Variants in SET observed in about 807,000 individuals in gnomAD.
The protein encoded by SET is SET nuclear proto-oncogene.
SET carries 4 observed loss-of-function variants against 39.0 expected under a neutral mutation model. The observed-to-expected ratio is 0.10, with a 90% CI of 0.05 to 0.23. SET has a LOEUF of 0.23. Among genes scored for constraint, SET ranks in the 10% least tolerant of loss-of-function variants. The pLI is 1.00. For missense variants in SET, 137 were observed against 329.7 expected (o/e 0.42, Z 4.53); for synonymous variants, 114 against 115.9 (o/e 0.98, Z 0.11).
chr9:128,689,959 G>A (rs1861458628), intron 1 of SET: 1 of 208,248 alleles, frequency 4.8e-6, no homozygotes, highest in Non-Finnish European at 6.6e-6. Context: ...CCTCCCTCCC[G>A]AGAAGCCTCT....
rs141752935 is a variant in SET, at chr9:128,692,703, T to C, written c.316T>C (p.Tyr106His). 1 of 1,612,622 alleles carries C rather than the reference T, an allele frequency of 6.2e-7. No homozygotes were observed. Among genetic ancestry groups the C allele is most frequent in the Non-Finnish European group, 8.5e-7 (1 of 1,179,514 alleles). Residue 106 changes from tyrosine (Y) to histidine (H), a missense_variant, in exon 4 of 8, where the codon TAT (tyrosine) becomes CAT (histidine). Tyr to His is a moderately conservative substitution (Grantham distance 83, BLOSUM62 2). Around this residue, in one of 3 missense-constraint regions of SET, gnomAD observed 59 missense variants for 237.2 expected, o/e 0.25. Transcript: ENST00000322030. Reference sequence around the variant, plus strand: ...GGAGGAAGATGAAGAGGCACTGCATTATTTGACCAGAGTTGAAGTGACAGA... The same window carrying C: ...GGAGGAAGATGAAGAGGCACTGCATCATTTGACCAGAGTTGAAGTGACAGA... The part of the protein sequence containing the change: ...LGEEDEEALH[Y>H]LTRVEVTEFE...
upstream of SET, among the ~76,000 whole-genome samples, chr9:128,686,713 T>C (rs1003138851): frequency 1.3e-5 from 2 of 152,124 alleles, no homozygotes; most frequent in African/African-American, 4.8e-5. Flanking sequence ...GGCTAACTCT[T>C]GTAATCCCAG....
At position 128,693,533 on chromosome 9, in the gene SET, A is replaced by G. The variant is rs10988091; in HGVS notation, c.493-105A>G. ...TAATGGTAGCGTAGATAGTATACTG[A>G]TATTTGTTTTGCTTAGCTTTTGGGG... On this transcript the variant is annotated intron_variant, in intron 5 of 7. Coordinates refer to ENST00000322030, the MANE Select transcript of SET (RefSeq NM_003011.4). 1.9e-3 allele frequency: 2,283 copies of G among 1,185,160 alleles called. 34 individuals are homozygous for G. The African/African-American group carries it at 0.03, about 16-fold the overall frequency. The allele number at this position is 1,185,160 out of a possible 1,614,324, so 73.4% of individuals were successfully genotyped here.
upstream of SET, among the ~76,000 whole-genome samples, chr9:128,684,815 G>A (rs1343824017): frequency 6.6e-6 from 1 of 152,174 alleles, no homozygotes; most frequent in African/African-American, 2.4e-5. Context: ...TGGGAGTTAG[G>A]AGTCCCAGAG....
chr9:128,685,345 T>C, upstream of SET: 2 of 734,970 alleles, frequency 2.7e-6, no homozygotes, highest in Non-Finnish European at 4.6e-6. Context: ...TCATCAGTGC[T>C]CTAGAGTGCA....
chr9:128,694,122 A>ATG lies in SET; in HGVS notation c.810+80_810+81insTG. The ATG allele has an allele frequency of 3.1e-6, 4 of 1,273,232 alleles. No homozygotes were observed. In the South Asian group the frequency reaches 6.7e-5, roughly 21 times the overall value. The allele number at this position is 1,273,232 out of a possible 1,614,324, so 78.9% of individuals were successfully genotyped here. A position where few individuals can be genotyped will look rare whatever the true frequency, so the allele number is the denominator to read the frequency against. On this transcript the variant is annotated intron_variant, in intron 7 of 7. Coordinates refer to ENST00000322030, the MANE Select transcript of SET (RefSeq NM_003011.4). ...TTTTGGGGTGTATATATATATATAT[A>ATG]GTGTGGTAGAACTGACCAGAACTGA... is the stretch of plus-strand genomic sequence containing the variant.
At position 128,695,065 on chromosome 9, in the gene SET, C is replaced by T; in HGVS notation, c.*401C>T. The T allele has an allele frequency of 4.3e-6, 1 of 231,906 alleles. No homozygotes were observed. Among genetic ancestry groups the T allele is most frequent in the Non-Finnish European group, 8.6e-6 (1 of 116,936 alleles). 14.4% of individuals were successfully genotyped at this position (231,906 alleles called of 1,614,324 possible). ...TCCTCCTTTCTCTGTATATTGGGCT[C>T]AGAGAGTACACTGTGTCTCTATGTG... On this transcript the variant is annotated 3_prime_UTR_variant, in exon 8 of 8. Transcript: ENST00000322030.
chr9:128,689,184 T>G, upstream of SET: 1 of 865,262 alleles, frequency 1.2e-6, no homozygotes, highest in African/African-American at 1.8e-5. Flanking sequence ...AGGCGGAGCA[T>G]CCGCGCGGGG....
upstream of SET, chr9:128,685,275 G>A: frequency 7.4e-7 from 1 of 1,342,912 alleles, no homozygotes; most frequent in Non-Finnish European, 1.0e-6. Context: ...CCACAGTACT[G>A]ATCTCCAGGC....
At chr9:128,687,147 C>T (rs1861309880), upstream of SET, among the ~76,000 whole-genome samples, 1 of 152,002 alleles carries the variant, frequency 6.6e-6, no homozygotes. Context: ...CACCTGAGGT[C>T]GGGAGTTCGA....
chr9:128,685,780 C>A (rs1161925852), upstream of SET, among the ~76,000 whole-genome samples: 1 of 152,082 alleles, frequency 6.6e-6, no homozygotes, highest in Non-Finnish European at 1.5e-5. Flanking sequence ...GCCTGTAATC[C>A]CAGCACTTTG....
chr9:128,689,568 C>A lies in SET; in HGVS notation c.-15C>A. 7.5e-7 allele frequency: 1 copy of A among 1,341,600 alleles called. No individual in the cohort carries two copies. The highest frequency in any genetic ancestry group is 9.8e-7 in the Non-Finnish European group (1 of 1,024,228). 83.1% of individuals were successfully genotyped at this position (1,341,600 alleles called of 1,614,324 possible). A position where few individuals can be genotyped will look rare whatever the true frequency, so the allele number is the denominator to read the frequency against. ...CTCCCCCTCCCCGCTCCCCCCCCGA[C>A]CGCGGAGCAGCACCATGTCGGCGCC... On this transcript the variant is annotated 5_prime_UTR_variant, in exon 1 of 8. Coordinates refer to ENST00000322030, the MANE Select transcript of SET (RefSeq NM_003011.4).
At chr9:128,688,054 T>C (rs1039341197), upstream of SET, among the ~76,000 whole-genome samples, 1 of 152,016 alleles carries the variant, frequency 6.6e-6, no homozygotes, top group African/African-American at 2.4e-5. Context: ...CTACTAAAAA[T>C]ACAAAAATTA....
At position 128,696,024 on chromosome 9, in the gene SET, C is replaced by T. The variant is rs1483924753; in HGVS notation, c.*1360C>T. 2 of 225,412 alleles carry T rather than the reference C, an allele frequency of 8.9e-6. No individual in the cohort carries two copies. The highest frequency in any genetic ancestry group is 6.2e-5 in the East Asian group (1 of 16,078). 14.0% of individuals were successfully genotyped at this position (225,412 alleles called of 1,614,324 possible). On this transcript the variant is annotated 3_prime_UTR_variant, in exon 8 of 8. Transcript: ENST00000322030. ...GTCTGATGGTGAGCAGTAACTGTCC[C>T]TGCTTTCTGGTATAAAGCTCTCAAA...
At chr9:128,687,114 T>C (rs1323661222), upstream of SET, among the ~76,000 whole-genome samples, 1 of 151,696 alleles carries the variant, frequency 6.6e-6, no homozygotes, top group Non-Finnish European at 1.5e-5. Flanking sequence ...TCCCAGCACT[T>C]TGGGAGGCCG....
upstream of SET, among the ~76,000 whole-genome samples, chr9:128,688,469 G>C (rs577547091): frequency 7.2e-5 from 11 of 152,290 alleles, no homozygotes; most frequent in African/African-American, 2.6e-4. Flanking sequence ...CGTGCCATGC[G>C]CTGCTGAAAC....
intron 5 of SET, 40 bp from the exon 6 acceptor site, chr9:128,693,598 T>C (rs377340566): frequency 8.6e-5 from 134 of 1,549,514 alleles, no homozygotes; most frequent in Admixed American, 2.1e-4. Context: ...TTGGGTGTTA[T>C]GGAGAGATTG....
intron 1 of SET, chr9:128,684,083 TC>T: frequency 1.6e-6 from 2 of 1,223,740 alleles, no homozygotes; most frequent in Non-Finnish European, 2.3e-6. Context: ...TACCCCCCAA[TC>T]CCTCTTGAGA....
chr9:128,693,318 A>G (rs940941234), intron 5 of SET, among the ~76,000 whole-genome samples: 5 of 152,226 alleles, frequency 3.3e-5, no homozygotes, highest in African/African-American at 1.2e-4. Flanking sequence ...TGCAGTGGTG[A>G]CTGAGCTCTT....
Sources: gnomAD v4.1 joint callset for allele counts (sites outside exome capture counted in the v4.1 genomes callset) on GRCh38, gnomAD v4.1.1 for gene constraint, gnomAD v4.1.1 regional missense constraint, MANE v1.5 for transcripts, NCBI Gene and HGNC (gene_info 2026-07-23, HGNC 2026-07-21) for gene names.